Variants in GSE1 observed in about 807,000 individuals in gnomAD.
GSE1 encodes the protein Gse1 coiled-coil protein.
A neutral mutation model predicts 112.6 loss-of-function variants in GSE1; 32 were observed. The ratio of observed to expected loss-of-function variants is 0.28; its 90% CI spans 0.21 to 0.38. GSE1 has a LOEUF of 0.38. Among genes scored for constraint, GSE1 ranks in the 10% least tolerant of loss-of-function variants. GSE1 has a pLI of 1.00. For missense variants in GSE1, 2,348 were observed against 1,699.2 expected (o/e 1.38, Z -6.71); for synonymous variants, 1,115 against 735.6 (o/e 1.52, Z -8.35).
chr16:85,290,373 G>T (rs1434748742), intron 1 of GSE1, among the ~76,000 whole-genome samples: 2 of 152,196 alleles, frequency 1.3e-5, no homozygotes, highest in South Asian at 4.1e-4. Context: ...ATGACCTCCA[G>T]TGAGCTCCGT....
intron 1 of GSE1, among the ~76,000 whole-genome samples, chr16:85,277,961 C>T (rs977361520): frequency 2.6e-5 from 4 of 152,218 alleles, no homozygotes; most frequent in South Asian, 2.1e-4. Context: ...CCCATGGGTG[C>T]GCACAGAGGG....
At chr16:85,466,597 G>A (rs560887863) in intron 2 of GSE1, among the ~76,000 whole-genome samples, 2 of 152,328 alleles carry the variant, frequency 1.3e-5, no homozygotes, top group East Asian at 1.9e-4. Flanking sequence ...GACTCACTGC[G>A]GGTGGCAATG....
chr16:85,666,460 T>G (rs2052868885), intron 13 of GSE1, 113 bp downstream of exon 13: 1 of 930,358 alleles, frequency 1.1e-6, no homozygotes, highest in Admixed American at 2.3e-5. Flanking sequence ...TTTTATAAAC[T>G]CCAATCACCA....
intron 2 of GSE1, among the ~76,000 whole-genome samples, chr16:85,495,181 G>A (rs1401585261): frequency 6.6e-6 from 1 of 152,202 alleles, no homozygotes; most frequent in African/African-American, 2.4e-5. Flanking sequence ...GGCTGGGCCT[G>A]TTCCCCGAAA....
At chr16:85,375,221 T>A (rs2047393165) in intron 2 of GSE1, among the ~76,000 whole-genome samples, 1 of 152,146 alleles carries the variant, frequency 6.6e-6, no homozygotes, top group South Asian at 2.1e-4. Context: ...TCATTACTAA[T>A]CCCCTTGCCT....
intron 1 of GSE1, among the ~76,000 whole-genome samples, chr16:85,346,431 T>TA (rs56137040): frequency 0.04 from 122 of 3,084 alleles, 1 homozygote; most frequent in Non-Finnish European, 0.15. Flanking sequence ...GATGGACAGG[T>TA]GGATGGTGGA....
At position 85,663,532 on chromosome 16, in the gene GSE1, GAAC is replaced by G. The variant is rs2052601844; in HGVS notation, c.2567_2569del (p.Asn856del). 3.1e-6 allele frequency: 5 copies of G among 1,613,678 alleles called. No individual in the cohort carries two copies. The highest frequency in any genetic ancestry group is 4.2e-6 in the Non-Finnish European group (5 of 1,179,970). ...CTACCCGCTACAGCCCTGATGAGAT[GAAC>G]AACAGTCCCAACTTCGAAGAAAAGA... On this transcript the variant is annotated inframe_deletion, in exon 11 of 16. Coordinates refer to ENST00000253458, the MANE Select transcript of GSE1 (RefSeq NM_014615.5).
chr16:85,434,963 C>T (rs1293911405), intron 2 of GSE1, among the ~76,000 whole-genome samples: 4 of 152,260 alleles, frequency 2.6e-5, no homozygotes, highest in Non-Finnish European at 5.9e-5. Flanking sequence ...AGCAAGGCGG[C>T]TTCGTGGCTG....
In GSE1 at chr16:85,525,752, G is replaced by A. The variant is rs184688547; in HGVS notation, c.2465-108162G>A. 1.1e-4 allele frequency among the ~76,000 whole-genome samples: 17 copies of A among 152,320 alleles called. No homozygotes were observed. The East Asian group carries it at 3.3e-3, about 29-fold the overall frequency. ...AATCCTATCTCCACAGTTGCTAGCT[G>A]TGTGACCCCAGACAAGCTGTTTAAC... On this transcript the variant is annotated intron_variant, in intron 2 of 2. Coordinates refer to the GSE1 transcript ENST00000637419.
At chr16:85,654,742 G>C in intron 4 of GSE1, 52 bp from the exon 5 acceptor site, 1 of 1,115,378 alleles carries the variant, frequency 9.0e-7, no homozygotes, top group Non-Finnish European at 1.3e-6. Context: ...CCCCATGCAG[G>C]AGCAGGTGTG....
intron 2 of GSE1, among the ~76,000 whole-genome samples, chr16:85,486,500 C>G (rs886433713): frequency 1.3e-5 from 2 of 152,242 alleles, no homozygotes; most frequent in Non-Finnish European, 2.9e-5. Context: ...CTAGGTGGCT[C>G]CGTTCGGGGG....
At chr16:85,671,605 C>G (rs1312753486) in intron 15 of GSE1, among the ~76,000 whole-genome samples, 1 of 152,088 alleles carries the variant, frequency 6.6e-6, no homozygotes, top group Admixed American at 6.6e-5. Context: ...CAGAGCAAGA[C>G]CACTGTCTCC....
chr16:85,450,314 C>T lies in GSE1; in HGVS notation c.2464+92671C>T, dbSNP rs533112816. ...TGTATTTTTAGTAGAGATGGGGTTTCTCCATGTTGGTCAGGCTGGTCTCGA... is the reference window on the plus strand; with the variant it reads ...TGTATTTTTAGTAGAGATGGGGTTTTTCCATGTTGGTCAGGCTGGTCTCGA... On this transcript the variant is annotated intron_variant, in intron 2 of 2. Coordinates refer to the GSE1 transcript ENST00000637419. 3.3e-5 allele frequency among the ~76,000 whole-genome samples: 5 copies of T among 151,644 alleles called. No homozygotes were observed. The South Asian group carries it at 8.4e-4, about 25-fold the overall frequency.
chr16:85,385,508 C>A (rs1597561723), intron 2 of GSE1, among the ~76,000 whole-genome samples: 1 of 152,242 alleles, frequency 6.6e-6, no homozygotes, highest in Middle Eastern at 3.4e-3. Flanking sequence ...TCTCGGGGGC[C>A]CTGGGGAGCA....
chr16:85,641,597 C>T (rs1008393270), intron 2 of GSE1, among the ~76,000 whole-genome samples: 11 of 152,272 alleles, frequency 7.2e-5, no homozygotes, highest in African/African-American at 2.7e-4. Context: ...CTGTGGTGTG[C>T]CTGCTGTCCC....
chr16:85,659,433 A>T (rs947567390), intron 8 of GSE1: 1 of 152,232 alleles, frequency 6.6e-6, no homozygotes, highest in African/African-American at 2.4e-5. Context: ...CTGAGATGGG[A>T]TGATCGCTTG....
intron 1 of GSE1, among the ~76,000 whole-genome samples, chr16:85,295,196 C>T (rs1423014659): frequency 1.3e-5 from 2 of 152,240 alleles, no homozygotes; most frequent in Non-Finnish European, 2.9e-5. Context: ...TGCCCCGCTT[C>T]CCAGGGCCTC....
At chr16:85,646,067 A>G (rs1488498164) in intron 2 of GSE1, among the ~76,000 whole-genome samples, 1 of 137,504 alleles carries the variant, frequency 7.3e-6, no homozygotes, top group South Asian at 2.3e-4. Context: ...CTTCCTATGC[A>G]TGCATTCTAC....
chr16:85,656,258 C>T (rs1428365739), intron 6 of GSE1, 85 bp from the exon 7 acceptor site: 10 of 1,532,614 alleles, frequency 6.5e-6, no homozygotes, highest in Non-Finnish European at 8.8e-6. Flanking sequence ...TGGCTCGTTC[C>T]TGGTTATGCT....
Sources: allele counts gnomAD v4.1 joint callset (sites outside exome capture counted in the v4.1 genomes callset), GRCh38; gene constraint gnomAD v4.1.1; transcripts MANE v1.5; gene names NCBI Gene and HGNC (gene_info 2026-07-23, HGNC 2026-07-21).